Variants in ARHGAP44 observed in about 807,000 individuals in gnomAD.
ARHGAP44 encodes rho GTPase-activating protein 44.
Under a neutral mutation model 106.8 loss-of-function variants are expected in ARHGAP44, and 43 were observed. That is an observed-to-expected ratio of 0.40 (90% CI 0.32 to 0.52). The LOEUF (loss-of-function observed/expected upper bound fraction) is 0.52, where lower values mean the gene tolerates loss of function less well. Among genes scored for constraint, ARHGAP44 ranks in the 20% least tolerant of loss-of-function variants. The pLI is 0.48. For missense variants in ARHGAP44, 866 were observed against 1,050.5 expected (o/e 0.82, Z 2.43); for synonymous variants, 439 against 410.3 (o/e 1.07, Z -0.85).
chr17:12,796,841 G>A (rs372996556), intron 1 of ARHGAP44, among the ~76,000 whole-genome samples: 9 of 151,330 alleles, frequency 5.9e-5, no homozygotes, highest in South Asian at 2.1e-4. Flanking sequence ...TCCTGACCTC[G>A]TGATCTGCCC....
intron 17 of ARHGAP44, 115 bp from the exon 18 acceptor site, chr17:12,973,974 T>G: frequency 1.8e-6 from 2 of 1,115,444 alleles, no homozygotes; most frequent in South Asian, 2.8e-5. Flanking sequence ...GCCCCCGGGG[T>G]GCTAAAGCTG....
intron 19 of ARHGAP44, among the ~76,000 whole-genome samples, chr17:12,984,022 C>A (rs1439154260): frequency 6.6e-6 from 1 of 152,172 alleles, no homozygotes; most frequent in East Asian, 1.9e-4. Context: ...GTTAGGGGAG[C>A]CAGAAGCCAC....
At chr17:12,957,555 G>T (rs1265393502) in intron 15 of ARHGAP44, among the ~76,000 whole-genome samples, 2 of 152,110 alleles carry the variant, frequency 1.3e-5, no homozygotes, top group African/African-American at 2.4e-5. Context: ...TTGTCCCTCA[G>T]CATGTGAAGG....
intron 1 of ARHGAP44, among the ~76,000 whole-genome samples, chr17:12,882,968 A>C (rs1217189724): frequency 1.3e-5 from 2 of 151,952 alleles, no homozygotes; most frequent in African/African-American, 4.8e-5. Context: ...TAGGCATATT[A>C]AGAATTTATA....
At chr17:12,923,370 C>T (rs1327096783) in intron 6 of ARHGAP44, among the ~76,000 whole-genome samples, 1 of 152,120 alleles carries the variant, frequency 6.6e-6, no homozygotes, top group Non-Finnish European at 1.5e-5. Flanking sequence ...CCACACCCAG[C>T]TAATTTTTGT....
At chr17:12,848,299 C>T (rs1049472864) in intron 1 of ARHGAP44, among the ~76,000 whole-genome samples, 6 of 151,610 alleles carry the variant, frequency 4.0e-5, no homozygotes, top group African/African-American at 7.3e-5. Flanking sequence ...TTTTTTTTCC[C>T]GAAAAAATGC....
chr17:12,964,841 G>A (rs960064321), intron 16 of ARHGAP44, among the ~76,000 whole-genome samples: 4 of 152,106 alleles, frequency 2.6e-5, no homozygotes, highest in African/African-American at 9.6e-5. Context: ...CTAGCATCAC[G>A]TCCCTCCCTT....
intron 4 of ARHGAP44, among the ~76,000 whole-genome samples, chr17:12,913,989 AAG>A (rs2037823875): frequency 6.6e-6 from 1 of 151,114 alleles, no homozygotes; most frequent in Admixed American, 6.6e-5. Flanking sequence ...AAAAAAAAAA[AAG>A]GCACCATTAA....
chr17:12,989,394 A>G (rs1407081858), intron 20 of ARHGAP44, among the ~76,000 whole-genome samples: 1 of 152,146 alleles, frequency 6.6e-6, no homozygotes, highest in Non-Finnish European at 1.5e-5. Context: ...TATTTCAAGT[A>G]CATTTCTCCT....
intron 13 of ARHGAP44, among the ~76,000 whole-genome samples, chr17:12,953,198 C>G (rs1030562087): frequency 4.6e-5 from 7 of 152,100 alleles, no homozygotes; most frequent in Admixed American, 4.6e-4. Flanking sequence ...TCCCCCATTC[C>G]CGAGCCCTAG....
chr17:12,973,082 T>C (rs1184450251), intron 16 of ARHGAP44: 1 of 514,036 alleles, frequency 1.9e-6, no homozygotes, highest in African/African-American at 2.0e-5. Flanking sequence ...TCAGCTGCTC[T>C]CTTTACCTGT....
At position 12,799,625 on chromosome 17, in the gene ARHGAP44, C is replaced by T. The variant is rs556248327; in HGVS notation, c.53+9734C>T. On this transcript the variant is annotated intron_variant, in intron 1 of 20. Transcript: ENST00000379672. ...AATCTCCAGCAGTCTTCTTTCTCTC[C>T]GCTTCCACTGCTCATGACTGTCTTT... Among the ~76,000 whole-genome samples the T allele has an allele frequency of 9.2e-5, 14 of 152,246 alleles. No homozygotes were observed. In the South Asian group the frequency reaches 2.5e-3, roughly 27 times the overall value.
rs1359518814 is a variant in ARHGAP44, at chr17:12,986,891, T to G, written c.2317+1983T>G. On this transcript the variant is annotated intron_variant, in intron 20 of 20. Transcript: ENST00000379672. ...TCAGGATTCATAATGTCCCTCGCCC[T>G]GTGCGGACCCTATTTTAATGTCCTT... 5.7e-6 allele frequency: 3 copies of G among 524,798 alleles called. No individual in the cohort carries two copies. In the African/African-American group the frequency reaches 5.7e-5, roughly 10 times the overall value. The allele number at this position is 524,798 out of a possible 1,614,324, so 32.5% of individuals were successfully genotyped here.
In ARHGAP44 at chr17:12,984,784, G is replaced by A; in HGVS notation, c.2193G>A (p.Lys731=). The A allele has an allele frequency of 6.2e-7, 1 of 1,613,930 alleles. No homozygotes were observed. Among genetic ancestry groups the A allele is most frequent in the East Asian group, 2.2e-5 (1 of 44,866 alleles). Residue 731 remains lysine (K), a synonymous_variant, in exon 20 of 21, where the codon AAG becomes AAA. Transcript: ENST00000379672. The part of the protein sequence containing the change: ...STLSKSRPTP[K]PRQRPTLPPP... ...TGAGCAAATCGCGGCCCACTCCTAAGCCGCGACAGAGACCTACTCTGCCGC... is the reference window on the plus strand; with the variant it reads ...TGAGCAAATCGCGGCCCACTCCTAAACCGCGACAGAGACCTACTCTGCCGC...
At chr17:12,840,590 G>T (rs1388550676) in intron 1 of ARHGAP44, among the ~76,000 whole-genome samples, 2 of 152,292 alleles carry the variant, frequency 1.3e-5, no homozygotes, top group African/African-American at 4.8e-5. Flanking sequence ...GCAAAGTAGG[G>T]TGACTGAGGA....
intron 1 of ARHGAP44, among the ~76,000 whole-genome samples, chr17:12,845,474 C>T (rs1368916833): frequency 1.3e-5 from 2 of 148,686 alleles, no homozygotes; most frequent in East Asian, 2.0e-4. Flanking sequence ...CGCCATTGCA[C>T]TCCAGCCTGG....
intron 1 of ARHGAP44, among the ~76,000 whole-genome samples, chr17:12,867,981 G>C (rs916012901): frequency 5.9e-5 from 9 of 152,190 alleles, no homozygotes; most frequent in Admixed American, 1.3e-4. Flanking sequence ...AAAGGTCCCA[G>C]AGCCCTCAGA....
chr17:12,816,236 G>C (rs763618074), intron 1 of ARHGAP44, among the ~76,000 whole-genome samples: 1 of 152,136 alleles, frequency 6.6e-6, no homozygotes, highest in African/African-American at 2.4e-5. Flanking sequence ...GTGAGAAATG[G>C]TTTTCTCTGC....
chr17:12,953,481 A>G (rs1488914925), intron 13 of ARHGAP44, among the ~76,000 whole-genome samples: 3 of 152,202 alleles, frequency 2.0e-5, no homozygotes, highest in East Asian at 1.9e-4. Context: ...TCCTCAAACA[A>G]TTAAACACAG....
Sources: gnomAD v4.1 joint callset for allele counts (sites outside exome capture counted in the v4.1 genomes callset) on GRCh38, gnomAD v4.1.1 for gene constraint, MANE v1.5 for transcripts, NCBI Gene and HGNC (gene_info 2026-07-23, HGNC 2026-07-21) for gene names.